Variants in CC2D2B observed in about 807,000 individuals in gnomAD.
CC2D2B encodes protein CC2D2B.
Under a neutral mutation model 161.2 loss-of-function variants are expected in CC2D2B, and 128 were observed. That is an observed-to-expected ratio of 0.79 (90% CI 0.69 to 0.92). The LOEUF (loss-of-function observed/expected upper bound fraction) is 0.92, where lower values mean the gene tolerates loss of function less well. Among genes scored for constraint, CC2D2B ranks in the 40% least tolerant of loss-of-function variants. The pLI is 0.00. For missense variants in CC2D2B, 1,173 were observed against 1,375.1 expected, an observed-to-expected ratio of 0.85 and a Z score of 2.32; for synonymous variants, 391 against 449.8, an observed-to-expected ratio of 0.87 and a Z score of 1.65.
At chr10:95,970,064 C>G (rs550751566) in intron 15 of CC2D2B, among the ~76,000 whole-genome samples, 59 of 148,730 alleles carry the variant, frequency 4.0e-4, no homozygotes, top group Middle Eastern at 7.0e-3. Flanking sequence ...AAGATGAAGT[C>G]TCACCCTGTT....
intron 24 of CC2D2B, chr10:95,999,633 G>C (rs1281936507): frequency 6.2e-6 from 1 of 160,960 alleles, no homozygotes; most frequent in Non-Finnish European, 1.3e-5. Context: ...GACTAGTAAA[G>C]ACATTATATA....
intron 22 of CC2D2B, among the ~76,000 whole-genome samples, chr10:95,993,941 TGTATGTATGTGTATATATA>T: frequency 6.8e-5 from 1 of 14,608 alleles, no homozygotes; most frequent in African/African-American, 3.0e-4. Flanking sequence ...TGTGTGTGTG[TGTATGTATGTGTATATATA>T]TATATATATA....
At position 96,033,462 on chromosome 10, in the gene CC2D2B, G is replaced by A. The variant is rs780254391; in HGVS notation, c.*1454G>A. Among the ~76,000 whole-genome samples the A allele has an allele frequency of 9.2e-5, 14 of 152,272 alleles. No homozygotes were observed. The highest frequency in any genetic ancestry group is 5.9e-4 in the Admixed American group (9 of 15,286). On this transcript the variant is annotated 3_prime_UTR_variant, in exon 35 of 35. Coordinates refer to ENST00000646931, the MANE Select transcript of CC2D2B (RefSeq NM_001349008.3). Reference sequence around the variant, plus strand: ...GAATGTTTTTGTTTAAATTTAATGTGAAGTTTTATTATTAAACAAGTCCCC... The same window carrying A: ...GAATGTTTTTGTTTAAATTTAATGTAAAGTTTTATTATTAAACAAGTCCCC...
At chr10:95,957,717 C>G (rs1273317986) in intron 11 of CC2D2B, among the ~76,000 whole-genome samples, 1 of 151,456 alleles carries the variant, frequency 6.6e-6, no homozygotes, top group Non-Finnish European at 1.5e-5. Flanking sequence ...TGTGCCACCA[C>G]GCCTGGCTAA....
At chr10:95,994,633 C>T (rs926756860) in intron 22 of CC2D2B, among the ~76,000 whole-genome samples, 3 of 152,156 alleles carry the variant, frequency 2.0e-5, no homozygotes, top group South Asian at 2.1e-4. Flanking sequence ...CTGGCGTTAC[C>T]GCTTGACCAA....
chr10:95,947,113 A>ATATATATATATATTTTTTTT (rs1289243570), intron 9 of CC2D2B, among the ~76,000 whole-genome samples: 1 of 48,376 alleles, frequency 2.1e-5, no homozygotes, highest in African/African-American at 9.4e-5. Flanking sequence ...ATATATATAT[A>ATATATATATATATTTTTTTT]TTTTTTTTTT....
chr10:95,987,461 G>T (rs2077776491), intron 19 of CC2D2B, among the ~76,000 whole-genome samples: 1 of 152,154 alleles, frequency 6.6e-6, no homozygotes, highest in Admixed American at 6.6e-5. Flanking sequence ...TTCAGATAAT[G>T]AGCATGCGTT....
rs1031850026 is a variant in CC2D2B, at chr10:96,032,675, G to A, written c.*667G>A. The A allele has an allele frequency of 2.9e-5, 12 of 411,676 alleles. No individual in the cohort carries two copies. The highest frequency in any genetic ancestry group is 6.0e-5 in the Non-Finnish European group (12 of 198,662). 25.5% of individuals were successfully genotyped at this position (411,676 alleles called of 1,614,324 possible). On this transcript the variant is annotated 3_prime_UTR_variant, in exon 35 of 35. Transcript: ENST00000646931. ...AGAAAAATAAAATAAAATCTACCAT[G>A]TTGGGCTGATGTTGGCTTCTGGAAG...
In CC2D2B at chr10:96,027,279, C is replaced by G. The variant is rs376319746; in HGVS notation, c.4015C>G (p.Gln1339Glu). The G allele has an allele frequency of 1.9e-6, 3 of 1,551,014 alleles. No individual in the cohort carries two copies. In the African/African-American group the frequency reaches 4.1e-5, roughly 21 times the overall value. The change falls in exon 34 of 35, where the codon CAG becomes GAG. Residue 1339 changes from glutamine (Q) to glutamate (E), a missense_variant. Around this residue, in one of 3 missense-constraint regions of CC2D2B, gnomAD observed 598 missense variants for 693.2 expected, o/e 0.86. Transcript: ENST00000646931. ...RPKHPTHWNR[Q>E]CTFILRQILP... is the part of the protein sequence containing the mutation. ...TAAACACCCAACACATTGGAATCGA[C>G]AGTGTACTTTTATTTTGCGACAAAT...
At chr10:95,969,726 AAT>A (rs575450503) in intron 15 of CC2D2B, among the ~76,000 whole-genome samples, 47 of 152,170 alleles carry the variant, frequency 3.1e-4, no homozygotes, top group Non-Finnish European at 6.3e-4. Flanking sequence ...CTACATTAAA[AAT>A]ATGCCTACTT....
rs1188881577 is a variant in CC2D2B, at chr10:95,938,805, T to C, written c.681T>C (p.Cys227=). The C allele has an allele frequency of 2.8e-6, 2 of 706,348 alleles. No individual in the cohort carries two copies. The highest frequency in any genetic ancestry group is 5.4e-5 in the East Asian group (2 of 37,170). 43.8% of individuals were successfully genotyped at this position (706,348 alleles called of 1,614,324 possible). A position where few individuals can be genotyped will look rare whatever the true frequency, so the allele number is the denominator to read the frequency against. The change falls in exon 9 of 35, where the codon TGT becomes TGC. Residue 227 remains cysteine, a synonymous_variant. Coordinates refer to ENST00000646931, the MANE Select transcript of CC2D2B (RefSeq NM_001349008.3). ...TTAAATATTTTTGATAGGGAAAATG[T>C]TGGTTTGGAGAAAGTGGAGAAATAA... ...NRLLKLEEGK[C]WFGESGEIMS... is the part of the protein sequence containing the mutation.
intron 17 of CC2D2B, among the ~76,000 whole-genome samples, chr10:95,975,984 A>T (rs554023907): frequency 1.3e-5 from 2 of 152,108 alleles, no homozygotes; most frequent in Non-Finnish European, 2.9e-5. Flanking sequence ...TTGGAGTGAG[A>T]TGTTTGTCCT....
intron 22 of CC2D2B, among the ~76,000 whole-genome samples, chr10:95,993,885 A>G (rs2078071745): frequency 1.1e-5 from 1 of 89,136 alleles, no homozygotes; most frequent in Admixed American, 1.1e-4. Context: ...ATATATATAT[A>G]TATAGAGAGA....
intron 2 of CC2D2B, among the ~76,000 whole-genome samples, chr10:95,912,068 A>G (rs2098507386): frequency 6.6e-6 from 1 of 152,260 alleles, no homozygotes; most frequent in South Asian, 2.1e-4. Flanking sequence ...TTTTTATGAT[A>G]TTTTAACTGT....
At chr10:95,991,841 C>G (rs916965932) in intron 21 of CC2D2B, among the ~76,000 whole-genome samples, 3 of 152,182 alleles carry the variant, frequency 2.0e-5, no homozygotes, top group Non-Finnish European at 4.4e-5. Context: ...CACCCCTTTG[C>G]AAAACAGAGA....
chr10:95,944,540 T>C (rs1453640271), intron 9 of CC2D2B, among the ~76,000 whole-genome samples: 2 of 152,210 alleles, frequency 1.3e-5, no homozygotes, highest in African/African-American at 4.8e-5. Context: ...CAGAGATATT[T>C]TGGTGTAATT....
intron 22 of CC2D2B, among the ~76,000 whole-genome samples, chr10:95,993,782 A>C (rs1374834668): frequency 4.9e-5 from 7 of 143,942 alleles, no homozygotes; most frequent in Non-Finnish European, 7.5e-5. Flanking sequence ...ATATATATAG[A>C]GTATATATAT....
chr10:95,978,325 G>T (rs1447910235), intron 17 of CC2D2B, among the ~76,000 whole-genome samples: 2 of 151,856 alleles, frequency 1.3e-5, no homozygotes, highest in East Asian at 1.9e-4. Context: ...TCTCCTTCAG[G>T]ATTTCTTATT....
At chr10:95,986,057 G>A (rs114079622) in intron 19 of CC2D2B, among the ~76,000 whole-genome samples, 4,461 of 151,906 alleles carry the variant, frequency 0.029, 221 homozygotes, top group African/African-American at 0.1. Flanking sequence ...ATTTCGCCCC[G>A]GCCCTGTAAT....
Sources: gnomAD v4.1 joint callset for allele counts (sites outside exome capture counted in the v4.1 genomes callset) on GRCh38, gnomAD v4.1.1 for gene constraint, gnomAD v4.1.1 regional missense constraint, MANE v1.5 for transcripts, NCBI Gene and HGNC (gene_info 2026-07-23, HGNC 2026-07-21) for gene names.